C12orf56: variants seen among roughly 807,000 people sequenced by gnomAD.
C12orf56 encodes chromosome 12 open reading frame 56.
In C12orf56, 71 loss-of-function variants were observed where a neutral mutation model predicts 69.9. That is an observed-to-expected ratio of 1.02 (90% CI 0.84 to 1.24). The LOEUF is 1.24. C12orf56 is among the 50% of genes most tolerant of loss of function. The pLI is 0.00. For missense variants in C12orf56, 732 were observed against 738.5 expected (o/e 0.99, Z 0.10); for synonymous variants, 276 against 274.1 (o/e 1.01, Z -0.07).
chr12:64,317,486 C>T (rs1480340725), intron 4 of C12orf56, among the ~76,000 whole-genome samples: 2 of 152,132 alleles, frequency 1.3e-5, no homozygotes, highest in Non-Finnish European at 2.9e-5. Context: ...TTCGGCCAGG[C>T]GTGGTGGCTC....
chr12:64,267,151 A>G lies in C12orf56; in HGVS notation c.*32T>C. On this transcript the variant is annotated 3_prime_UTR_variant, in exon 13 of 13. Coordinates refer to ENST00000543942, the MANE Select transcript of C12orf56 (RefSeq NM_001170633.2). ...AGTTGACTCTTGATTAACATTTTAT[A>G]CTCTTATTAACATTGCGTACATTGT... 7.0e-7 allele frequency: 1 copy of G among 1,433,254 alleles called. No individual in the cohort carries two copies. The highest frequency in any genetic ancestry group is 1.3e-5 in the South Asian group (1 of 77,058). The allele number at this position is 1,433,254 out of a possible 1,614,324, so 88.8% of individuals were successfully genotyped here.
chr12:64,350,045 T>C (rs558633369), intron 2 of C12orf56, among the ~76,000 whole-genome samples: 4 of 143,360 alleles, frequency 2.8e-5, no homozygotes, highest in South Asian at 2.2e-4. Context: ...TGAGCCAAGA[T>C]CATGCCATTG....
intron 5 of C12orf56, among the ~76,000 whole-genome samples, chr12:64,308,226 G>A (rs1425528960): frequency 2.0e-5 from 3 of 152,110 alleles, no homozygotes; most frequent in Non-Finnish European, 4.4e-5. Context: ...GCAGGCTGAG[G>A]CATGAGAATT....
rs571890437 is a variant in C12orf56 at position 64,326,483 on chromosome 12, A to G, written c.488+4477T>C. The stretch of plus-strand genomic sequence containing the variant: ...AGTGGCTCACGCCTATAATCCCAGT[A>G]CTTGGGACCACCGCCAGCCGAGGTG... On this transcript the variant is annotated intron_variant, in intron 3 of 12. Coordinates refer to ENST00000543942, the MANE Select transcript of C12orf56 (RefSeq NM_001170633.2). Among the ~76,000 whole-genome samples the G allele has an allele frequency of 1.2e-4, 19 of 152,292 alleles. No homozygotes were observed. The South Asian group carries it at 3.9e-3, about 32-fold the overall frequency.
intron 1 of C12orf56, among the ~76,000 whole-genome samples, chr12:64,381,543 C>G (rs2039719676): frequency 6.6e-6 from 1 of 152,178 alleles, no homozygotes; most frequent in South Asian, 2.1e-4. Flanking sequence ...CTAAGTTCCT[C>G]CAAAAGTTAG....
chr12:64,285,779 C>G (rs1435710429), intron 7 of C12orf56, among the ~76,000 whole-genome samples, 175 bp downstream of exon 7: 1 of 147,042 alleles, frequency 6.8e-6, no homozygotes, highest in Non-Finnish European at 1.5e-5. Flanking sequence ...CAGAGCGAGA[C>G]TCTGTCTCAA....
intron 2 of C12orf56, among the ~76,000 whole-genome samples, chr12:64,336,514 A>G (rs1048746123): frequency 2.6e-5 from 4 of 152,224 alleles, no homozygotes; most frequent in Non-Finnish European, 5.9e-5. Context: ...CTTGTGGACA[A>G]GGATAAATAT....
At chr12:64,373,267 C>A (rs891084800) in intron 1 of C12orf56, among the ~76,000 whole-genome samples, 3 of 151,972 alleles carry the variant, frequency 2.0e-5, no homozygotes, top group East Asian at 1.9e-4. Context: ...CCAGCCTGGG[C>A]AATATGGTGA....
In C12orf56 at chr12:64,365,162, C is replaced by CTTT. The variant is rs386376771; in HGVS notation, c.253-12109_253-12107dup. Among the ~76,000 whole-genome samples the CTTT allele has an allele frequency of 6.4e-3, 783 of 123,032 alleles. 10 individuals carry two copies. Among genetic ancestry groups the CTTT allele is most frequent in the Admixed American group, 0.013 (134 of 10,552 alleles). 80.7% of individuals were successfully genotyped at this position (123,032 alleles called of 152,430 possible). On this transcript the variant is annotated intron_variant, in intron 1 of 12. Transcript: ENST00000543942. ...ACTTCATCAGCTGTTAAAGCTGTTCCTTTTTTTTTTTTTTTTTTTTAGATG... is the reference window on the plus strand; with the variant it reads ...ACTTCATCAGCTGTTAAAGCTGTTCCTTTTTTTTTTTTTTTTTTTTTTTAGATG...
intron 6 of C12orf56, among the ~76,000 whole-genome samples, chr12:64,293,062 C>T (rs1422405085): frequency 1.3e-5 from 2 of 152,100 alleles, no homozygotes; most frequent in South Asian, 2.1e-4. Context: ...TGGTTCGCCG[C>T]TTTTTAAGCC....
At position 64,265,110 on chromosome 12, in the gene C12orf56, CGTT is replaced by C. The variant is rs2037907757; in HGVS notation, c.*2070_*2072del. 2 of 152,346 alleles carry C rather than the reference CGTT, an allele frequency of 1.3e-5. No individual in the cohort carries two copies. The highest frequency in any genetic ancestry group is 1.3e-4 in the Admixed American group (2 of 15,294). The allele number at this position is 152,346 out of a possible 1,614,324, so 9.4% of individuals were successfully genotyped here. ...TAAGGCAGAGCTGAGTTGATCCTCT[CGTT>C]GTCATCCTGCGGGTTCATCAGTACA... is the stretch of plus-strand genomic sequence containing the variant. On this transcript the variant is annotated 3_prime_UTR_variant, in exon 13 of 13. Coordinates refer to ENST00000543942, the MANE Select transcript of C12orf56 (RefSeq NM_001170633.2).
At chr12:64,328,804 G>A (rs2038888466) in intron 3 of C12orf56, among the ~76,000 whole-genome samples, 1 of 146,068 alleles carries the variant, frequency 6.8e-6, no homozygotes, top group Non-Finnish European at 1.5e-5. Context: ...AGTGGCTCAC[G>A]ACTGTAATCC....
intron 2 of C12orf56, among the ~76,000 whole-genome samples, chr12:64,342,307 A>T (rs1010805066): frequency 1.3e-5 from 2 of 152,220 alleles, no homozygotes; most frequent in African/African-American, 4.8e-5. Context: ...CACTGCTCGA[A>T]GTTCTGCCCA....
chr12:64,304,835 G>A (rs1235772664), intron 5 of C12orf56, among the ~76,000 whole-genome samples: 1 of 152,152 alleles, frequency 6.6e-6, no homozygotes, highest in East Asian at 1.9e-4. Flanking sequence ...GGGGGTTTAA[G>A]TAACCTGTCC....
intron 3 of C12orf56, among the ~76,000 whole-genome samples, chr12:64,320,776 G>A (rs575135732): frequency 1.3e-5 from 2 of 152,202 alleles, no homozygotes; most frequent in East Asian, 1.9e-4. Flanking sequence ...CCAGCAGAAC[G>A]GACCAAAACA....
chr12:64,266,484 G>A lies in C12orf56; in HGVS notation c.*699C>T, dbSNP rs574479234. On this transcript the variant is annotated 3_prime_UTR_variant, in exon 13 of 13. Transcript: ENST00000543942. ...TGTTCTACCTGGAGGCGTGGCTGGC[G>A]GATGAGATCTTGAGTGAGTGACCTT... The A allele has an allele frequency of 4.5e-4, 120 of 265,862 alleles. 1 individual carries two copies. In the South Asian group the frequency reaches 8.6e-3, roughly 19 times the overall value. The allele number at this position is 265,862 out of a possible 1,614,324, so 16.5% of individuals were successfully genotyped here.
Position 64,270,547 on chromosome 12 carries a change from T to C in C12orf56, c.1752A>G (p.Arg584=), listed in dbSNP as rs367929330. 1 of 1,572,986 alleles carries C rather than the reference T, an allele frequency of 6.4e-7. No individual in the cohort carries two copies. Among genetic ancestry groups the C allele is most frequent in the East Asian group, 2.3e-5 (1 of 44,142 alleles). The change falls in exon 12 of 13, where the codon AGA becomes AGG. Residue 584 remains arginine (R), a synonymous_variant. Coordinates refer to ENST00000543942, the MANE Select transcript of C12orf56 (RefSeq NM_001170633.2). ...TLAEYIRNNY[R]EEFRYFIHMP... Reference sequence around the variant, plus strand: ...ACATTTTTTCTTACCTGAATTCTTCTCTGTAGTTATTCCTAATATACTCAG... The same window carrying C: ...ACATTTTTTCTTACCTGAATTCTTCCCTGTAGTTATTCCTAATATACTCAG...
intron 1 of C12orf56, among the ~76,000 whole-genome samples, chr12:64,357,297 T>C (rs1024457949): frequency 1.5e-4 from 23 of 152,220 alleles, no homozygotes; most frequent in African/African-American, 5.5e-4. Context: ...CAGAAATTGT[T>C]TTATGGGAGA....
In C12orf56 at chr12:64,380,104, CAAAAAAA is replaced by C. The variant is rs60079906; in HGVS notation, c.252+10203_252+10209del. ...TGGGCGACAGAGCAAGACTCCGTCG[CAAAAAAA>C]AAAAAAAAAAAAAAAAAAAAAAACA... On this transcript the variant is annotated intron_variant, in intron 1 of 12. Transcript: ENST00000543942. Among the ~76,000 whole-genome samples the C allele has an allele frequency of 5.4e-3, 271 of 49,972 alleles. 4 individuals carry two copies. Among genetic ancestry groups the C allele is most frequent in the African/African-American group, 0.027 (245 of 8,912 alleles). 32.8% of individuals were successfully genotyped at this position (49,972 alleles called of 152,430 possible).
Sources: gnomAD v4.1 joint callset for allele counts (sites outside exome capture counted in the v4.1 genomes callset) on GRCh38, gnomAD v4.1.1 for gene constraint, MANE v1.5 for transcripts, NCBI Gene and HGNC (gene_info 2026-07-23, HGNC 2026-07-21) for gene names.